TSC22D1: variants seen among roughly 807,000 people sequenced by gnomAD.
The protein encoded by TSC22D1 is TSC22 domain family member 1.
In TSC22D1, 9 loss-of-function variants were observed where a neutral mutation model predicts 74.2. The ratio of observed to expected loss-of-function variants is 0.12; its 90% CI spans 0.07 to 0.21. TSC22D1 has a LOEUF of 0.21. Among genes scored for constraint, TSC22D1 ranks in the 10% least tolerant of loss-of-function variants. The pLI, the probability that TSC22D1 is intolerant of heterozygous loss-of-function variation, is 1.00. For synonymous variants in TSC22D1, 586 were observed against 492.5 expected, an observed-to-expected ratio of 1.19 and a Z score of -2.51; for missense variants, 1,427 against 1,304.7, an observed-to-expected ratio of 1.09 and a Z score of -1.44.
intron 1 of TSC22D1, chr13:44,537,633 G>T: frequency 1.0e-6 from 1 of 984,412 alleles, no homozygotes; most frequent in Non-Finnish European, 1.2e-6. Flanking sequence ...TAAACCAATT[G>T]TCTTATTAAC....
At chr13:44,450,675 A>G (rs1300171577) in intron 1 of TSC22D1, among the ~76,000 whole-genome samples, 3 of 152,218 alleles carry the variant, frequency 2.0e-5, no homozygotes, top group Non-Finnish European at 4.4e-5. Flanking sequence ...AGGTGATGCC[A>G]TTAGCCAGAA....
chr13:44,434,791 C>T lies in TSC22D1; in HGVS notation c.3057G>A (p.Gln1019=), dbSNP rs1312156438. ...TCAGCAGATTGTTCTCCTGCTCCAG[C>T]TGGGAATTTTTCTCTATTAGTTCTT... The part of the protein sequence containing the change: ...QIKELIEKNS[Q]LEQENNLLKT... Residue 1019 remains glutamine, a synonymous_variant, in exon 3 of 3, where the codon CAG becomes CAA. Transcript: ENST00000458659. The T allele has an allele frequency of 1.2e-6, 2 of 1,614,082 alleles. No homozygotes were observed. Among genetic ancestry groups the T allele is most frequent in the Non-Finnish European group, 1.7e-6 (2 of 1,180,038 alleles).
At position 44,575,874 on chromosome 13, in the gene TSC22D1, C is replaced by A. The variant is rs375662160; in HGVS notation, c.201G>T (p.Pro67=). 1.4e-4 allele frequency: 222 copies of A among 1,613,840 alleles called. No homozygotes were observed. The highest frequency in any genetic ancestry group is 1.8e-4 in the Non-Finnish European group (217 of 1,179,972). Residue 67 remains proline, a synonymous_variant, in exon 1 of 3, where the codon CCG becomes CCT. Transcript: ENST00000458659. ...CCGACGTAGAAGATGCTGCAGGGGG[C>A]GGCGGCTGAAGCAGCGACGGAGGCG... ...DFPPPSLLQP[P]PPAASSTSGP...
At chr13:44,489,222 A>AC (rs1878590727) in intron 1 of TSC22D1, among the ~76,000 whole-genome samples, 1 of 151,718 alleles carries the variant, frequency 6.6e-6, no homozygotes, top group Non-Finnish European at 1.5e-5. Flanking sequence ...AAAAAAAAAA[A>AC]ATCAGAAGAA....
In TSC22D1 at chr13:44,495,593, T is replaced by C. The variant is rs544668423; in HGVS notation, c.2913-59498A>G. Among the ~76,000 whole-genome samples the C allele has an allele frequency of 5.8e-4, 89 of 152,232 alleles. 1 individual carries two copies. In the South Asian group the frequency reaches 0.018, roughly 31 times the overall value. On this transcript the variant is annotated intron_variant, in intron 1 of 2. Transcript: ENST00000458659. Reference sequence around the variant, plus strand: ...ACTAAAAGACATCTACATAAAACAATAATCATAAATCTGTTGACAGTGACA... The same window carrying C: ...ACTAAAAGACATCTACATAAAACAACAATCATAAATCTGTTGACAGTGACA...
intron 1 of TSC22D1, among the ~76,000 whole-genome samples, chr13:44,518,243 A>G (rs1439053112): frequency 6.6e-6 from 1 of 152,136 alleles, no homozygotes; most frequent in African/African-American, 2.4e-5. Flanking sequence ...TAAACATCTC[A>G]GAAGTGCTAT....
rs755787193 is a variant in TSC22D1 at position 44,574,423 on chromosome 13, G to A, written c.1652C>T (p.Ser551Phe). 6.2e-7 allele frequency: 1 copy of A among 1,614,224 alleles called. No homozygotes were observed. The highest frequency in any genetic ancestry group is 1.1e-5 in the South Asian group (1 of 91,082). The change falls in exon 1 of 3, where the codon TCT becomes TTT. Residue 551 changes from serine to phenylalanine, a missense_variant. Coordinates refer to ENST00000458659, the MANE Select transcript of TSC22D1 (RefSeq NM_183422.4). Reference sequence around the variant, plus strand: ...CTTTTGCTGATAGCTCAGTTCTTGAGACTGTAATTGTACTTGTGAGATCTG... The same window carrying A: ...CTTTTGCTGATAGCTCAGTTCTTGAAACTGTAATTGTACTTGTGAGATCTG... ...QSQISQVQLQSQELSYQQKQG... is the reference protein window; with the variant it reads ...QSQISQVQLQFQELSYQQKQG...
chr13:44,559,675 T>C (rs1478783719), intron 1 of TSC22D1, among the ~76,000 whole-genome samples: 4 of 149,972 alleles, frequency 2.7e-5, no homozygotes, highest in Non-Finnish European at 5.9e-5. Context: ...TAAGCCACTG[T>C]GCCCAGCCCA....
chr13:44,512,115 C>G (rs567772355), intron 1 of TSC22D1, among the ~76,000 whole-genome samples: 2 of 152,232 alleles, frequency 1.3e-5, no homozygotes, highest in South Asian at 2.1e-4. Flanking sequence ...CAAATTTGAA[C>G]GCCCACTGGC....
At chr13:44,487,329 T>C (rs1878474653) in intron 1 of TSC22D1, among the ~76,000 whole-genome samples, 1 of 150,652 alleles carries the variant, frequency 6.6e-6, no homozygotes, top group African/African-American at 2.4e-5. Context: ...CAAAACCCTG[T>C]CTCTACTAAA....
intron 1 of TSC22D1, among the ~76,000 whole-genome samples, chr13:44,541,937 T>C (rs535131982): frequency 1.3e-5 from 2 of 152,244 alleles, no homozygotes; most frequent in East Asian, 3.9e-4. Context: ...AATTATTTAT[T>C]AAACAATCAT....
chr13:44,489,195 C>A, intron 1 of TSC22D1, among the ~76,000 whole-genome samples: 1 of 124,696 alleles, frequency 8.0e-6, no homozygotes, highest in African/African-American at 2.7e-5. Context: ...TGAGCCTTAC[C>A]TCATTTCATG....
At chr13:44,479,572 G>T (rs1215300909) in intron 1 of TSC22D1, among the ~76,000 whole-genome samples, 1 of 151,958 alleles carries the variant, frequency 6.6e-6, no homozygotes, top group Non-Finnish European at 1.5e-5. Context: ...TGGCTTCCTG[G>T]GTTTCAGGAA....
In TSC22D1 at chr13:44,445,613, G is replaced by A. The variant is rs572409893; in HGVS notation, c.2913-9518C>T. Among the ~76,000 whole-genome samples, 13 of 152,026 alleles carry A rather than the reference G, an allele frequency of 8.6e-5. No individual in the cohort carries two copies. The South Asian group carries it at 1.9e-3, about 22-fold the overall frequency. On this transcript the variant is annotated intron_variant, in intron 1 of 2. Coordinates refer to ENST00000458659, the MANE Select transcript of TSC22D1 (RefSeq NM_183422.4). ...AAACTATAGACCAGAATTAAGTACC[G>A]CAAGTCACATATCTGATAAAGGACT...
chr13:44,449,884 C>T (rs2138904733), intron 1 of TSC22D1, among the ~76,000 whole-genome samples: 1 of 152,190 alleles, frequency 6.6e-6, no homozygotes, highest in East Asian at 1.9e-4. Flanking sequence ...TTGATTTACT[C>T]GCATTTATTT....
chr13:44,516,270 C>T (rs1167592854), intron 1 of TSC22D1: 3 of 412,186 alleles, frequency 7.3e-6, no homozygotes, highest in African/African-American at 6.4e-5. Flanking sequence ...GAAATTGACG[C>T]TGAATGGTGA....
At chr13:44,490,680 C>T (rs970617366) in intron 1 of TSC22D1, among the ~76,000 whole-genome samples, 17 of 151,854 alleles carry the variant, frequency 1.1e-4, no homozygotes, top group African/African-American at 3.9e-4. Context: ...GGCAGATCAT[C>T]TGAGGTCGGG....
chr13:44,522,888 A>C (rs1389686405), intron 1 of TSC22D1, among the ~76,000 whole-genome samples: 5 of 152,190 alleles, frequency 3.3e-5, no homozygotes, highest in Non-Finnish European at 4.4e-5. Flanking sequence ...TGAAAAGACA[A>C]GCCACAGACT....
At chr13:44,536,386 G>A (rs1036245487) in intron 1 of TSC22D1, among the ~76,000 whole-genome samples, 3 of 151,820 alleles carry the variant, frequency 2.0e-5, no homozygotes, top group African/African-American at 7.2e-5. Flanking sequence ...AAGGTAAATT[G>A]TTCCTGTGGC....
Sources: allele counts gnomAD v4.1 joint callset (sites outside exome capture counted in the v4.1 genomes callset), GRCh38; gene constraint gnomAD v4.1.1; transcripts MANE v1.5; gene names NCBI Gene and HGNC (gene_info 2026-07-23, HGNC 2026-07-21).